The following KCNN2 variants were observed in gnomAD, a reference collection of about 807,000 sequenced individuals.
KCNN2 encodes potassium calcium-activated channel subfamily N member 2, also known as small conductance calcium-activated potassium channel protein 2.
Under a neutral mutation model 55.5 loss-of-function variants are expected in KCNN2, and 24 were observed. The ratio of observed to expected loss-of-function variants is 0.43; its 90% CI spans 0.31 to 0.61. The LOEUF (loss-of-function observed/expected upper bound fraction) is 0.61. KCNN2 is among the 20% of genes least tolerant of loss of function. The pLI, the probability that KCNN2 is intolerant of heterozygous loss-of-function variation, is 0.08. For synonymous variants in KCNN2, 431 were observed against 336.1 expected (o/e 1.28, Z -3.09); for missense variants, 754 against 853.6 (o/e 0.88, Z 1.45).
At chr5:114,440,977 T>C (rs1218260240) in intron 3 of KCNN2, among the ~76,000 whole-genome samples, 2 of 152,000 alleles carry the variant, frequency 1.3e-5, no homozygotes, top group Non-Finnish European at 2.9e-5. Context: ...TGTCAGTGGG[T>C]TGAAAATAAA....
At chr5:114,265,813 G>C (rs1485676322) in intron 2 of KCNN2, among the ~76,000 whole-genome samples, 3 of 152,130 alleles carry the variant, frequency 2.0e-5, no homozygotes, top group Non-Finnish European at 4.4e-5. Context: ...ATAGTTCTTA[G>C]GCAGGGAACA....
chr5:114,339,921 A>G (rs1198150144), intron 2 of KCNN2, among the ~76,000 whole-genome samples: 2 of 152,208 alleles, frequency 1.3e-5, no homozygotes. Flanking sequence ...GAATTGGGCC[A>G]GTTTCTTTTA....
chr5:114,217,987 A>G (rs532641126), intron 1 of KCNN2, among the ~76,000 whole-genome samples: 1 of 152,346 alleles, frequency 6.6e-6, no homozygotes, highest in African/African-American at 2.4e-5. Flanking sequence ...TTAGCATTTA[A>G]AAAGATTCTT....
chr5:114,463,941 G>C (rs1440662942), intron 4 of KCNN2, among the ~76,000 whole-genome samples: 1 of 152,178 alleles, frequency 6.6e-6, no homozygotes, highest in Non-Finnish European at 1.5e-5. Flanking sequence ...AATGAGGCAA[G>C]AAGGAGCTCA....
chr5:114,425,008 A>C (rs1372820969), intron 3 of KCNN2, among the ~76,000 whole-genome samples: 3 of 152,218 alleles, frequency 2.0e-5, no homozygotes, highest in African/African-American at 7.2e-5. Flanking sequence ...CAAATACGTC[A>C]AGGCTCAAGT....
chr5:114,218,755 G>A (rs1222928955), intron 1 of KCNN2, among the ~76,000 whole-genome samples: 1 of 152,126 alleles, frequency 6.6e-6, no homozygotes, highest in Non-Finnish European at 1.5e-5. Flanking sequence ...TTTCAGTGTG[G>A]GCTCATCAAT....
chr5:114,294,533 T>G (rs1215352729), intron 2 of KCNN2, among the ~76,000 whole-genome samples: 1 of 152,214 alleles, frequency 6.6e-6, no homozygotes, highest in East Asian at 1.9e-4. Flanking sequence ...TGAGTTCTAG[T>G]TTGATTGCAC....
At chr5:114,157,722 A>G (rs930837294) in intron 1 of KCNN2, among the ~76,000 whole-genome samples, 1 of 152,028 alleles carries the variant, frequency 6.6e-6, no homozygotes, top group Non-Finnish European at 1.5e-5. Flanking sequence ...ATGGTATCTC[A>G]TTATGGTTTT....
At chr5:114,385,022 A>G (rs574672989) in intron 2 of KCNN2, among the ~76,000 whole-genome samples, 10 of 152,330 alleles carry the variant, frequency 6.6e-5, no homozygotes, top group Admixed American at 4.6e-4. Context: ...TTATTTTAAT[A>G]AATGTGGGAT....
At chr5:114,361,329 C>T (rs1270397210), upstream of KCNN2, among the ~76,000 whole-genome samples, 2 of 152,124 alleles carry the variant, frequency 1.3e-5, no homozygotes, top group Non-Finnish European at 2.9e-5. Context: ...GGCTAGAGCG[C>T]CGCGCACCCA....
intron 2 of KCNN2, among the ~76,000 whole-genome samples, chr5:114,294,680 G>T (rs1002370920): frequency 3.3e-5 from 5 of 152,120 alleles, no homozygotes; most frequent in African/African-American, 1.2e-4. Flanking sequence ...TTGATTTGGG[G>T]TGGAGAGTTC....
At chr5:114,164,979 T>C (rs1010699936) in intron 1 of KCNN2, among the ~76,000 whole-genome samples, 1 of 152,206 alleles carries the variant, frequency 6.6e-6, no homozygotes, top group Non-Finnish European at 1.5e-5. Context: ...ACTATTGTTT[T>C]ACAGATGAGA....
intron 3 of KCNN2, among the ~76,000 whole-genome samples, chr5:114,428,548 A>G (rs1759695303): frequency 6.6e-6 from 1 of 152,194 alleles, no homozygotes; most frequent in South Asian, 2.1e-4. Context: ...ACAGGTAAAG[A>G]TCAAATAAAA....
intron 2 of KCNN2, among the ~76,000 whole-genome samples, chr5:114,374,945 G>A (rs183656589): frequency 6.6e-6 from 1 of 152,280 alleles, no homozygotes; most frequent in East Asian, 1.9e-4. Flanking sequence ...TCTAGTTACT[G>A]AGTTAGTCGT....
At chr5:114,222,141 A>C (rs1485950131) in intron 2 of KCNN2, among the ~76,000 whole-genome samples, 1 of 152,230 alleles carries the variant, frequency 6.6e-6, no homozygotes, top group African/African-American at 2.4e-5. Context: ...TCCAAAGCAG[A>C]ATGCAAAAAT....
At chr5:114,100,517 G>A (rs146328246) in intron 1 of KCNN2, among the ~76,000 whole-genome samples, 2 of 152,150 alleles carry the variant, frequency 1.3e-5, no homozygotes, top group African/African-American at 4.8e-5. Flanking sequence ...AACTACGAAT[G>A]AAAAGAAGAG....
At chr5:114,196,031 C>A (rs1222637055) in intron 1 of KCNN2, among the ~76,000 whole-genome samples, 1 of 151,840 alleles carries the variant, frequency 6.6e-6, no homozygotes, top group Non-Finnish European at 1.5e-5. Context: ...TCTCTCAGTA[C>A]CATTTGTTGA....
At chr5:114,463,656 C>A (rs1157457951) in intron 4 of KCNN2, among the ~76,000 whole-genome samples, 1 of 152,116 alleles carries the variant, frequency 6.6e-6, no homozygotes, top group Non-Finnish European at 1.5e-5. Context: ...GGCCTAGGTA[C>A]TAGGAATACA....
intron 2 of KCNN2, among the ~76,000 whole-genome samples, chr5:114,274,103 C>G (rs924363054): frequency 6.6e-6 from 1 of 152,072 alleles, no homozygotes; most frequent in Non-Finnish European, 1.5e-5. Flanking sequence ...GGGAATCATT[C>G]CCCCATTGCT....
Sources: allele counts gnomAD v4.1 joint callset (sites outside exome capture counted in the v4.1 genomes callset), GRCh38; gene constraint gnomAD v4.1.1; transcripts MANE v1.5; gene names NCBI Gene and HGNC (gene_info 2026-07-23, HGNC 2026-07-21).